The following PBX3 variants were observed in gnomAD, a reference collection of about 807,000 sequenced individuals.
PBX3 encodes PBX homeobox 3.
In PBX3, 14 loss-of-function variants were observed where a neutral mutation model predicts 48.5. That is an observed-to-expected ratio of 0.29 (90% CI 0.19 to 0.45). PBX3 has a LOEUF of 0.45. Ranked by LOEUF, PBX3 falls within the 20% of genes least tolerant of loss-of-function variation. The probability of loss-of-function intolerance (pLI) is 1.00; values close to 1 mark genes in which losing one functional copy is unlikely to be tolerated. For synonymous variants in PBX3, 210 were observed against 200.3 expected (o/e 1.05, Z -0.41); for missense variants, 386 against 546.7 (o/e 0.71, Z 2.93).
rs1842524948 is a variant in PBX3, at chr9:125,966,052, C to T, written c.*129C>T. 1 of 565,494 alleles carries T rather than the reference C, an allele frequency of 1.8e-6. No individual in the cohort carries two copies. Among genetic ancestry groups the T allele is most frequent in the African/African-American group, 1.9e-5 (1 of 53,402 alleles). The allele number at this position is 565,494 out of a possible 1,614,324, so 35.0% of individuals were successfully genotyped here. A position where few individuals can be genotyped will look rare whatever the true frequency, so the allele number is the denominator to read the frequency against. On this transcript the variant is annotated 3_prime_UTR_variant, in exon 9 of 9. Transcript: ENST00000373489. ...TGTAAAACCTTGTCTTATTCGAGAA[C>T]TTGGTAAATCTGTTTTTTAAGGAAT...
chr9:125,790,767 A>C (rs10819069), intron 2 of PBX3, among the ~76,000 whole-genome samples: 3,062 of 151,760 alleles, frequency 0.02, 171 homozygotes, highest in East Asian at 0.17. Flanking sequence ...GGGTCTTACT[A>C]TGTTGCCCGG....
intron 2 of PBX3, among the ~76,000 whole-genome samples, chr9:125,845,607 T>A (rs1167172620): frequency 6.6e-6 from 1 of 152,076 alleles, no homozygotes; most frequent in Non-Finnish European, 1.5e-5. Flanking sequence ...AGGGATATGA[T>A]GAGGACAAAA....
At chr9:125,917,180 C>T (rs1271674889) in intron 3 of PBX3, among the ~76,000 whole-genome samples, 1 of 152,028 alleles carries the variant, frequency 6.6e-6, no homozygotes, top group Non-Finnish European at 1.5e-5. Flanking sequence ...AATGGGAGTC[C>T]TGGTGAGTTT....
intron 2 of PBX3, among the ~76,000 whole-genome samples, chr9:125,906,941 T>A (rs1841086980): frequency 6.6e-6 from 1 of 151,834 alleles, no homozygotes; most frequent in Non-Finnish European, 1.5e-5. Flanking sequence ...GGAAGAAGAG[T>A]CCTTATTTCA....
In PBX3 at chr9:125,781,587, G is replaced by C. The variant is rs989973279; in HGVS notation, c.274+32964G>C. 3.4e-5 allele frequency among the ~76,000 whole-genome samples: 5 copies of C among 148,720 alleles called. No individual in the cohort carries two copies. The East Asian group carries it at 1.1e-3, about 32-fold the overall frequency. On this transcript the variant is annotated intron_variant, in intron 2 of 8. Coordinates refer to ENST00000373489, the MANE Select transcript of PBX3 (RefSeq NM_006195.6). ...AGGCGAGAGGGGAGAGGGGAGAGGCGAGAGGCGAGAGGGAGAGGCAGAGGC... is the reference window on the plus strand; with the variant it reads ...AGGCGAGAGGGGAGAGGGGAGAGGCCAGAGGCGAGAGGGAGAGGCAGAGGC...
At chr9:125,935,325 C>T (rs1466529183) in intron 4 of PBX3, 147 bp from the exon 5 acceptor site, 2 of 665,014 alleles carry the variant, frequency 3.0e-6, no homozygotes, top group Admixed American at 2.9e-5. Flanking sequence ...ATGTCTAGAA[C>T]ATAACGTATA....
Position 125,915,848 on chromosome 9 carries a change from C to G in PBX3, c.437C>G (p.Ser146Cys), listed in dbSNP as rs746089781. 3 of 1,614,066 alleles carry G rather than the reference C, an allele frequency of 1.9e-6. No individual in the cohort carries two copies. The highest frequency in any genetic ancestry group is 1.6e-4 in the Middle Eastern group (1 of 6,062). ...AAASGGSSDN[S>C]IEHSDYRAKL... Reference sequence around the variant, plus strand: ...GCCTCTGGAGGTTCTTCAGATAACTCTATTGAACACTCAGATTACAGAGCC... The same window carrying G: ...GCCTCTGGAGGTTCTTCAGATAACTGTATTGAACACTCAGATTACAGAGCC... The change falls in exon 3 of 9, where the codon TCT becomes TGT. Residue 146 changes from serine to cysteine, a missense_variant. Ser to Cys is a moderately radical substitution (Grantham distance 112, BLOSUM62 -1). Coordinates refer to ENST00000373489, the MANE Select transcript of PBX3 (RefSeq NM_006195.6).
At chr9:125,775,107 T>A (rs781233057) in intron 2 of PBX3, among the ~76,000 whole-genome samples, 3 of 152,200 alleles carry the variant, frequency 2.0e-5, no homozygotes, top group Non-Finnish European at 4.4e-5. Flanking sequence ...CTTCAGGTGA[T>A]CCACCCACCT....
At position 125,907,454 on chromosome 9, in the gene PBX3, T is replaced by G. The variant is rs369832340; in HGVS notation, c.275-8232T>G. Reference sequence around the variant, plus strand: ...ATTTGACTTTAGAAAATGTAGTATTTTAATTAAAAAAAGACTTTAATTCAT... The same window carrying G: ...ATTTGACTTTAGAAAATGTAGTATTGTAATTAAAAAAAGACTTTAATTCAT... On this transcript the variant is annotated intron_variant, in intron 2 of 8. Transcript: ENST00000373489. Among the ~76,000 whole-genome samples, 19 of 152,198 alleles carry G rather than the reference T, an allele frequency of 1.2e-4. No homozygotes were observed. The South Asian group carries it at 1.7e-3, about 13-fold the overall frequency.
chr9:125,762,303 C>G (rs1340039294), intron 2 of PBX3, among the ~76,000 whole-genome samples: 1 of 151,966 alleles, frequency 6.6e-6, no homozygotes, highest in Non-Finnish European at 1.5e-5. Flanking sequence ...AAGTGTAGTT[C>G]CCCAAAAAAT....
In PBX3 at chr9:125,833,004, T is replaced by C. The variant is rs563374642; in HGVS notation, c.275-82682T>C. Among the ~76,000 whole-genome samples the C allele has an allele frequency of 6.6e-5, 10 of 152,342 alleles. No homozygotes were observed. In the East Asian group the frequency reaches 1.3e-3, roughly 21 times the overall value. On this transcript the variant is annotated intron_variant, in intron 2 of 8. Transcript: ENST00000373489. ...AGACTTAAAAGTACCTACATTGTTA[T>C]GTCATTTCGGGAAGTTCCAGCATCT... is the stretch of plus-strand genomic sequence containing the variant.
chr9:125,830,876 A>T (rs1588194850), intron 2 of PBX3, among the ~76,000 whole-genome samples: 1 of 152,006 alleles, frequency 6.6e-6, no homozygotes, highest in East Asian at 1.9e-4. Flanking sequence ...ATTGGTGTGT[A>T]TGTCTTACTT....
intron 3 of PBX3, among the ~76,000 whole-genome samples, chr9:125,928,359 A>G (rs1486882030): frequency 6.6e-6 from 1 of 151,406 alleles, no homozygotes; most frequent in Non-Finnish European, 1.5e-5. Context: ...AGCCTGGGTG[A>G]CACAGTGAGA....
At chr9:125,953,263 G>C (rs1842230148) in intron 5 of PBX3, among the ~76,000 whole-genome samples, 1 of 152,136 alleles carries the variant, frequency 6.6e-6, no homozygotes, top group African/African-American at 2.4e-5. Context: ...GATCACTTCA[G>C]CTCAGGAGTT....
At chr9:125,862,060 AT>A (rs926686468) in intron 2 of PBX3, among the ~76,000 whole-genome samples, 15 of 152,196 alleles carry the variant, frequency 9.9e-5, no homozygotes, top group African/African-American at 3.6e-4. Flanking sequence ...TTAAATAAAC[AT>A]TTTCACATTT....
At chr9:125,943,347 T>C (rs1295254338) in intron 5 of PBX3, among the ~76,000 whole-genome samples, 1 of 72,568 alleles carries the variant, frequency 1.4e-5, no homozygotes, top group Non-Finnish European at 2.7e-5. Context: ...AGAGTGAGAC[T>C]GTCTCAAAAA....
chr9:125,805,766 G>C (rs1338041335), intron 2 of PBX3, among the ~76,000 whole-genome samples: 1 of 152,130 alleles, frequency 6.6e-6, no homozygotes, highest in Non-Finnish European at 1.5e-5. Context: ...ATAGGTTTTG[G>C]GGTGGGAGAG....
chr9:125,896,326 G>A (rs1012754027), intron 2 of PBX3, among the ~76,000 whole-genome samples: 2 of 151,966 alleles, frequency 1.3e-5, no homozygotes, highest in African/African-American at 4.8e-5. Context: ...TTAAGGGAAA[G>A]TTCTTGCACA....
At chr9:125,814,655 C>G (rs1458967321) in intron 2 of PBX3, among the ~76,000 whole-genome samples, 1 of 152,196 alleles carries the variant, frequency 6.6e-6, no homozygotes, top group African/African-American at 2.4e-5. Context: ...TGATTATTGA[C>G]CAGTACTGGA....
Sources: gnomAD v4.1 joint callset for allele counts (sites outside exome capture counted in the v4.1 genomes callset) on GRCh38, gnomAD v4.1.1 for gene constraint, MANE v1.5 for transcripts, NCBI Gene and HGNC (gene_info 2026-07-23, HGNC 2026-07-21) for gene names.